Variants in TULP4 observed in about 807,000 individuals in gnomAD.
TULP4 encodes the protein tubby-related protein 4.
TULP4 carries 16 observed loss-of-function variants against 129.0 expected under a neutral mutation model. The ratio of observed to expected loss-of-function variants is 0.12; its 90% confidence interval spans 0.08 to 0.19. TULP4 has a LOEUF of 0.19. TULP4 is among the 10% of genes least tolerant of loss of function. The pLI is 1.00. For missense variants in TULP4, 1,842 were observed against 2,059.1 expected, an observed-to-expected ratio of 0.89 and a Z score of 2.04; for synonymous variants, 998 against 854.0, an observed-to-expected ratio of 1.17 and a Z score of -2.94.
At chr6:158,449,364 C>T (rs1316017322) in intron 4 of TULP4, among the ~76,000 whole-genome samples, 188 bp downstream of exon 4, 1 of 152,104 alleles carries the variant, frequency 6.6e-6, no homozygotes, top group East Asian at 1.9e-4. Context: ...ACTGTCTCCC[C>T]GCTGTTGTCC....
chr6:158,273,520 G>C lies in TULP4; in HGVS notation n.69-38531G>C, dbSNP rs569231238. 6.6e-5 allele frequency among the ~76,000 whole-genome samples: 10 copies of C among 152,260 alleles called. No individual in the cohort carries two copies. In the South Asian group the frequency reaches 2.1e-3, roughly 32 times the overall value. Reference sequence around the variant, plus strand: ...TCCGAGGTTCAGATGCAAGTGTCCAGCTATTTACTTGACCCTGCCATTTGG... The same window carrying C: ...TCCGAGGTTCAGATGCAAGTGTCCACCTATTTACTTGACCCTGCCATTTGG... On this transcript the variant is annotated intron_variant and non_coding_transcript_variant, in intron 1 of 1. Coordinates refer to the TULP4 transcript ENST00000620026.
chr6:158,409,529 G>T (rs562578404), intron 1 of TULP4, among the ~76,000 whole-genome samples: 1 of 152,068 alleles, frequency 6.6e-6, no homozygotes, highest in African/African-American at 2.4e-5. Context: ...CACAAAATTC[G>T]GGCAACTGAG....
At position 158,349,982 on chromosome 6, in the gene TULP4, C is replaced by T. The variant is rs1341400330; in HGVS notation, c.252+35714C>T. Among the ~76,000 whole-genome samples, 10 of 142,412 alleles carry T rather than the reference C, an allele frequency of 7.0e-5. No individual in the cohort carries two copies. The East Asian group carries it at 8.7e-4, about 12-fold the overall frequency. The allele number at this position is 142,412 out of a possible 152,430, so 93.4% of individuals were successfully genotyped here. A position where few individuals can be genotyped will look rare whatever the true frequency, so the allele number is the denominator to read the frequency against. On this transcript the variant is annotated intron_variant, in intron 1 of 13. Transcript: ENST00000367097. ...GGCACTCCTCACCTCCCAAACGGGG[C>T]GGCCGGGCAGAGGCGCTCCTCACTT...
intron 1 of TULP4, chr6:158,237,287 A>G (rs1268917845): frequency 1.5e-6 from 2 of 1,324,538 alleles, no homozygotes; most frequent in South Asian, 1.2e-5. Context: ...TTATATTCCT[A>G]ATGTTACCGA....
intron 1 of TULP4, among the ~76,000 whole-genome samples, chr6:158,386,784 C>CTGTCTA (rs112681692): frequency 1.3e-5 from 2 of 151,186 alleles, no homozygotes; most frequent in Non-Finnish European, 3.0e-5. Flanking sequence ...TCTGTTTTCT[C>CTGTCTA]TATTTGTAAA....
chr6:158,503,796 G>A lies in TULP4; in HGVS notation c.4133G>A (p.Gly1378Glu), dbSNP rs1562595782. The A allele has an allele frequency of 6.2e-7, 1 of 1,614,096 alleles. No individual in the cohort carries two copies. The highest frequency in any genetic ancestry group is 8.5e-7 in the Non-Finnish European group (1 of 1,180,038). ...TCCCTAATCTCCAGCCCACACCTGG[G>A]GAGAGAGAAGAAGAAAGTGAAGAGT... ...FNSLISSPHL[G>E]REKKKVKSQK... Residue 1378 changes from glycine to glutamate, a missense_variant, in exon 13 of 14, where the codon GGG becomes GAG. By Grantham distance (98) the Gly-to-Glu change is moderately conservative. Transcript: ENST00000367097. This position sits in a 1 kb window ranked among gnomAD's most constrained non-coding sequence, Gnocchi z 4.3.
chr6:158,415,766 G>A (rs950966546), intron 2 of TULP4, among the ~76,000 whole-genome samples: 6 of 152,114 alleles, frequency 3.9e-5, no homozygotes, highest in Non-Finnish European at 8.8e-5. Context: ...CAGCTCCGTG[G>A]ATATGTTACT....
In TULP4 at chr6:158,314,160, G is replaced by C. The variant is rs370460109; in HGVS notation, c.144G>C (p.Thr48=). 6.2e-7 allele frequency: 1 copy of C among 1,614,160 alleles called. No homozygotes were observed. Among genetic ancestry groups the C allele is most frequent in the Non-Finnish European group, 8.5e-7 (1 of 1,180,044 alleles). Residue 48 remains threonine (T), a synonymous_variant, in exon 1 of 14, where the codon ACG becomes ACC. Coordinates refer to ENST00000367097, the MANE Select transcript of TULP4 (RefSeq NM_020245.5). The part of the protein sequence containing the change: ...RRYYEEGWLA[T]GNGRGVVGVT... ...ACTATGAGGAAGGCTGGCTGGCCAC[G>C]GGCAACGGGCGAGGAGTGGTTGGGG...
At chr6:158,308,053 G>T (rs147977718), upstream of TULP4, among the ~76,000 whole-genome samples, 2 of 148,008 alleles carry the variant, frequency 1.4e-5, no homozygotes, top group Non-Finnish European at 3.0e-5. Context: ...TCACAGAGGG[G>T]GATTTGGCAG....
intron 1 of TULP4, among the ~76,000 whole-genome samples, chr6:158,351,403 C>A (rs938749515): frequency 3.3e-5 from 5 of 152,124 alleles, no homozygotes; most frequent in African/African-American, 1.2e-4. Flanking sequence ...GTGTTAGCTT[C>A]TGAATAGAGA....
intron 1 of TULP4, among the ~76,000 whole-genome samples, chr6:158,291,863 G>A (rs530819720): frequency 8.6e-5 from 13 of 151,898 alleles, no homozygotes; most frequent in Admixed American, 5.2e-4. Flanking sequence ...TAAAAGATTT[G>A]GTTCTTTCTG....
chr6:158,334,462 A>G (rs1779986532), intron 1 of TULP4, among the ~76,000 whole-genome samples: 1 of 152,224 alleles, frequency 6.6e-6, no homozygotes, highest in Non-Finnish European at 1.5e-5. Flanking sequence ...TATAATACAT[A>G]AAACAAAATA....
At chr6:158,395,675 G>A (rs1815461) in intron 1 of TULP4, among the ~76,000 whole-genome samples, 4 of 88,076 alleles carry the variant, frequency 4.5e-5, no homozygotes, top group Admixed American at 4.4e-4. Context: ...GGGCGGGGGG[G>A]GGGTCATGGC....
intron 1 of TULP4, among the ~76,000 whole-genome samples, chr6:158,343,709 C>T (rs1754413): frequency 0.53 from 80,902 of 152,036 alleles, 21,747 homozygotes; most frequent in African/African-American, 0.61. Flanking sequence ...GCTGCCTAGT[C>T]TGTGGTACTT....
intron 1 of TULP4, among the ~76,000 whole-genome samples, chr6:158,323,900 T>C (rs1355455603): frequency 6.6e-6 from 1 of 152,234 alleles, no homozygotes; most frequent in Non-Finnish European, 1.5e-5. Context: ...TAGGATCTTT[T>C]TTCTTGTTTA....
At chr6:158,234,648 TG>T (rs112930528) in intron 1 of TULP4, among the ~76,000 whole-genome samples, 3 of 152,348 alleles carry the variant, frequency 2.0e-5, no homozygotes, top group African/African-American at 7.2e-5. Context: ...TATGAAATGC[TG>T]TGATTTAGTT....
At chr6:158,354,410 C>T (rs574126290) in intron 1 of TULP4, among the ~76,000 whole-genome samples, 1 of 152,270 alleles carries the variant, frequency 6.6e-6, no homozygotes, top group Non-Finnish European at 1.5e-5. Flanking sequence ...CACAGGCTGG[C>T]ATTTTCCATT....
At chr6:158,422,206 TC>T (rs2115034471) in intron 2 of TULP4, among the ~76,000 whole-genome samples, 1 of 152,056 alleles carries the variant, frequency 6.6e-6, no homozygotes, top group African/African-American at 2.4e-5. Context: ...TGGAAACAAA[TC>T]AACAAAATAG....
At chr6:158,260,581 A>G (rs1778333794) in intron 1 of TULP4, among the ~76,000 whole-genome samples, 1 of 151,774 alleles carries the variant, frequency 6.6e-6, no homozygotes, top group Non-Finnish European at 1.5e-5. Context: ...GTCTCAAAAA[A>G]AAAAAAAAAA....
Sources: gnomAD v4.1 joint callset for allele counts (sites outside exome capture counted in the v4.1 genomes callset) on GRCh38, gnomAD v4.1.1 for gene constraint, Gnocchi (gnomAD v3.1) non-coding constraint, MANE v1.5 for transcripts, NCBI Gene and HGNC (gene_info 2026-07-23, HGNC 2026-07-21) for gene names.